The following FLNB variants were observed in gnomAD, a reference collection of about 807,000 sequenced individuals.
The protein encoded by FLNB is filamin B, also known as filamin-B.
A neutral mutation model predicts 250.6 loss-of-function variants in FLNB; 111 were observed. That is an observed-to-expected ratio of 0.44 (90% confidence interval 0.38 to 0.52). The LOEUF is 0.52. Among genes scored for constraint, FLNB ranks in the 20% least tolerant of loss-of-function variants. FLNB has a pLI of 0.00. For synonymous variants in FLNB, 1,302 were observed against 1,372.1 expected (o/e 0.95, Z 1.13); for missense variants, 2,869 against 3,447.8 (o/e 0.83, Z 4.20).
At chr3:58,104,311 G>A (rs2097255904) in intron 10 of FLNB, among the ~76,000 whole-genome samples, 1 of 152,146 alleles carries the variant, frequency 6.6e-6, no homozygotes, top group Admixed American at 6.5e-5. Flanking sequence ...GTGGTTAGGG[G>A]CTGGTGGGAG....
chr3:58,008,885 C>T, intron 1 of FLNB, 29 bp downstream of exon 1: 1 of 1,612,696 alleles, frequency 6.2e-7, no homozygotes. Flanking sequence ...CCCAGGCGCC[C>T]ACTGTGGTGC....
At chr3:58,035,671 C>T (rs1375921515) in intron 1 of FLNB, among the ~76,000 whole-genome samples, 5 of 152,174 alleles carry the variant, frequency 3.3e-5, no homozygotes, top group Non-Finnish European at 5.9e-5. Flanking sequence ...GCTTGGACTT[C>T]GGACAAGCCA....
intron 24 of FLNB, among the ~76,000 whole-genome samples, chr3:58,130,071 T>C (rs2097304372): frequency 6.6e-6 from 1 of 152,174 alleles, no homozygotes; most frequent in South Asian, 2.1e-4. Flanking sequence ...ACGGCAAGGC[T>C]TCACCAGGTG....
chr3:58,107,845 A>C (rs2257266), intron 12 of FLNB, among the ~76,000 whole-genome samples: 109,481 of 152,178 alleles, frequency 0.72, 41,134 homozygotes, highest in East Asian at 1. Context: ...TGGCCAAATG[A>C]TATTCCTTTG....
chr3:58,147,660 A>G (rs2097337841), intron 34 of FLNB, among the ~76,000 whole-genome samples: 1 of 152,004 alleles, frequency 6.6e-6, no homozygotes, highest in African/African-American at 2.4e-5. Flanking sequence ...AAAAATTCCT[A>G]TATTTTATTT....
In FLNB at chr3:58,148,292, A is replaced by C; in HGVS notation, c.5815A>C (p.Thr1939Pro). 6.2e-7 allele frequency: 1 copy of C among 1,614,088 alleles called. No individual in the cohort carries two copies. The highest frequency in any genetic ancestry group is 8.5e-7 in the Non-Finnish European group (1 of 1,180,014). ...DISETDLSSL[T>P]ASIKAPSGRD... Reference sequence around the variant, plus strand: ...CAGTGAGACTGACCTCAGCAGCCTGACGGCCAGCATTAAGGCCCCATCTGG... The same window carrying C: ...CAGTGAGACTGACCTCAGCAGCCTGCCGGCCAGCATTAAGGCCCCATCTGG... The change falls in exon 35 of 46, where the codon ACG (threonine) becomes CCG (proline). Residue 1939 changes from threonine to proline, a missense_variant. Physicochemically the swap from Thr to Pro is conservative, Grantham distance 38 (BLOSUM62 -1). Transcript: ENST00000295956.
Position 58,102,191 on chromosome 3 carries a change from CTG to C in FLNB, c.1346-9_1346-8del. The C allele has an allele frequency of 6.2e-7, 1 of 1,614,162 alleles. No homozygotes were observed. The highest frequency in any genetic ancestry group is 8.5e-7 in the Non-Finnish European group (1 of 1,179,998). On this transcript the variant is annotated splice_polypyrimidine_tract_variant and intron_variant, in intron 8 of 45. Transcript: ENST00000295956. ...ATGAAAGATTGAATTGATGTCAAAA[CTG>C]TGCTTGCAGCCTGCAATCCAAATGC...
intron 16 of FLNB, among the ~76,000 whole-genome samples, chr3:58,111,256 A>C (rs2097268156): frequency 6.6e-6 from 1 of 152,218 alleles, no homozygotes; most frequent in Non-Finnish European, 1.5e-5. Context: ...AGGGATTAAA[A>C]TTAACCTTAC....
At chr3:58,093,078 A>G (rs1223880434) in intron 4 of FLNB, among the ~76,000 whole-genome samples, 1 of 152,192 alleles carries the variant, frequency 6.6e-6, no homozygotes, top group African/African-American at 2.4e-5. Context: ...GTTTGCTACA[A>G]ATCAGAAGGT....
At chr3:58,108,435 C>T in intron 12 of FLNB, 23 bp from the exon 13 acceptor site, 1 of 1,500,582 alleles carries the variant, frequency 6.7e-7, no homozygotes, top group Non-Finnish European at 9.3e-7. Context: ...CAGAAAGAGA[C>T]TTACTATCTG....
At chr3:58,132,065 C>G (rs1268463493) in intron 25 of FLNB, 1 of 1,279,920 alleles carries the variant, frequency 7.8e-7, no homozygotes, top group Non-Finnish European at 1.1e-6. Context: ...CCAAATGCTT[C>G]TTGCTGGCCT....
chr3:58,067,594 T>G (rs6777713), intron 1 of FLNB, among the ~76,000 whole-genome samples: 34 of 42,274 alleles, frequency 8.0e-4, no homozygotes, highest in East Asian at 3.6e-3. Flanking sequence ...TGTTTTTTTG[T>G]TTTTTTTTTG....
rs566180245 is a variant in FLNB at position 58,163,150 on chromosome 3, C to T, written c.7022-4C>T. ...TCACCCTGTGCCTTTGCTCATTCTC[C>T]TAGATAAGTATGCTGTTCGCTTCAT... On this transcript the variant is annotated splice_region_variant and splice_polypyrimidine_tract_variant and intron_variant, in intron 42 of 45. Coordinates refer to ENST00000295956, the MANE Select transcript of FLNB (RefSeq NM_001457.4). 4 of 1,614,076 alleles carry T rather than the reference C, an allele frequency of 2.5e-6. No individual in the cohort carries two copies. Among genetic ancestry groups the T allele is most frequent in the Admixed American group, 3.3e-5 (2 of 60,026 alleles).
chr3:58,127,052 G>A (rs2097299171), intron 24 of FLNB, among the ~76,000 whole-genome samples: 1 of 152,232 alleles, frequency 6.6e-6, no homozygotes, highest in South Asian at 2.1e-4. Context: ...GAAAATCACA[G>A]TGGCTCACAC....
chr3:58,152,833 C>T (rs2097347485), intron 38 of FLNB: 3 of 974,702 alleles, frequency 3.1e-6, no homozygotes, highest in East Asian at 5.8e-5. Flanking sequence ...CACGGCAGTG[C>T]AGGCACAGTC....
chr3:58,096,072 C>T, intron 5 of FLNB, 69 bp from the exon 6 acceptor site: 1 of 1,257,974 alleles, frequency 7.9e-7, no homozygotes. Context: ...TGCAGAACCC[C>T]TGCTGACACA....
chr3:58,136,195 G>A lies in FLNB; in HGVS notation c.4861+27G>A, dbSNP rs1302142169. 2.5e-6 allele frequency: 4 copies of A among 1,612,372 alleles called. No individual in the cohort carries two copies. The Admixed American group carries it at 6.7e-5, about 27-fold the overall frequency. On this transcript the variant is annotated intron_variant, in intron 28 of 45. Coordinates refer to ENST00000295956, the MANE Select transcript of FLNB (RefSeq NM_001457.4). ...TGAGTACAGGGCATCTCAAGGTCAG[G>A]GGCACAGGCTTTGCAATCAGAAAGC...
chr3:58,114,641 A>G (rs983018514), intron 18 of FLNB, among the ~76,000 whole-genome samples: 5 of 151,646 alleles, frequency 3.3e-5, no homozygotes, highest in Non-Finnish European at 7.4e-5. Flanking sequence ...ACTACTTTAC[A>G]GTCCTGCCAA....
intron 3 of FLNB, among the ~76,000 whole-genome samples, chr3:58,080,293 G>C (rs2097207347): frequency 6.6e-6 from 1 of 152,142 alleles, no homozygotes; most frequent in Non-Finnish European, 1.5e-5. Context: ...CCATGAGACA[G>C]AGCCTCTGTT....
Sources: gnomAD v4.1 joint callset for allele counts (sites outside exome capture counted in the v4.1 genomes callset) on GRCh38, gnomAD v4.1.1 for gene constraint, MANE v1.5 for transcripts, NCBI Gene and HGNC (gene_info 2026-07-23, HGNC 2026-07-21) for gene names.